The following GPC6 variants were observed in gnomAD, a reference collection of about 807,000 sequenced individuals.
GPC6 encodes glypican 6.
Under a neutral mutation model 55.2 loss-of-function variants are expected in GPC6, and 14 were observed. The ratio of observed to expected loss-of-function variants is 0.25; its 90% CI spans 0.17 to 0.40. The LOEUF (loss-of-function observed/expected upper bound fraction) is 0.40. GPC6 is among the 10% of genes least tolerant of loss of function. GPC6 has a pLI of 1.00. For synonymous variants in GPC6, 278 were observed against 259.6 expected (o/e 1.07, Z -0.68); for missense variants, 641 against 708.5 (o/e 0.90, Z 1.08).
chr13:94,347,783 A>C, intron 6 of GPC6, among the ~76,000 whole-genome samples: 1 of 152,242 alleles, frequency 6.6e-6, no homozygotes, highest in East Asian at 1.9e-4. Flanking sequence ...GCTACACAAA[A>C]AACTGCAGTG....
chr13:94,182,079 A>G (rs1889015160), intron 4 of GPC6, among the ~76,000 whole-genome samples: 2 of 152,222 alleles, frequency 1.3e-5, no homozygotes, highest in Admixed American at 6.5e-5. Flanking sequence ...CCTCTCCCAA[A>G]TGAGAATTGA....
chr13:93,942,946 T>C (rs778457415), intron 3 of GPC6, among the ~76,000 whole-genome samples: 8 of 152,238 alleles, frequency 5.3e-5, no homozygotes, highest in Non-Finnish European at 8.8e-5. Context: ...ATTCCATTTG[T>C]CCAAGGTGCA....
At chr13:93,932,610 A>C (rs1162850827) in intron 3 of GPC6, among the ~76,000 whole-genome samples, 1 of 152,180 alleles carries the variant, frequency 6.6e-6, no homozygotes, top group African/African-American at 2.4e-5. Context: ...TGTTGGGAAA[A>C]TAAATGAAAC....
chr13:93,480,525 C>A (rs1879476274), intron 1 of GPC6, among the ~76,000 whole-genome samples: 1 of 152,068 alleles, frequency 6.6e-6, no homozygotes, highest in Admixed American at 6.6e-5. Context: ...ATAAAGCTCA[C>A]CATCTTGAAT....
chr13:93,550,784 G>A (rs1875115724), intron 2 of GPC6, among the ~76,000 whole-genome samples: 1 of 152,060 alleles, frequency 6.6e-6, no homozygotes, highest in African/African-American at 2.4e-5. Flanking sequence ...TCACAAGGGT[G>A]ATATTTTTTG....
At chr13:94,124,060 A>G (rs1204102347) in intron 4 of GPC6, among the ~76,000 whole-genome samples, 1 of 152,118 alleles carries the variant, frequency 6.6e-6, no homozygotes, top group East Asian at 1.9e-4. Context: ...AAATCTTGTA[A>G]AAGCACAATT....
At chr13:94,016,621 T>C (rs1882475436) in intron 3 of GPC6, among the ~76,000 whole-genome samples, 2 of 152,218 alleles carry the variant, frequency 1.3e-5, no homozygotes, top group Admixed American at 1.3e-4. Flanking sequence ...GCTGTTAGAA[T>C]TTTGAAAGAG....
intron 4 of GPC6, among the ~76,000 whole-genome samples, chr13:94,204,848 T>C (rs1889854953): frequency 6.6e-6 from 1 of 152,218 alleles, no homozygotes; most frequent in South Asian, 2.1e-4. Flanking sequence ...ATGTGTATAT[T>C]CAATGAATCT....
intron 1 of GPC6, among the ~76,000 whole-genome samples, chr13:93,406,141 GC>G (rs1489059406): frequency 1.3e-5 from 2 of 152,162 alleles, no homozygotes. Context: ...AGTAGACTCT[GC>G]CTCTTGGTGG....
At chr13:93,749,019 AT>A (rs1566516230) in intron 2 of GPC6, among the ~76,000 whole-genome samples, 2 of 152,020 alleles carry the variant, frequency 1.3e-5, no homozygotes, top group Non-Finnish European at 2.9e-5. Flanking sequence ...TCTTATTGTT[AT>A]ATAGTACATG....
At chr13:94,308,924 TG>T (rs1358667649) in intron 6 of GPC6, among the ~76,000 whole-genome samples, 1 of 152,152 alleles carries the variant, frequency 6.6e-6, no homozygotes, top group Non-Finnish European at 1.5e-5. Flanking sequence ...ACTGGAAAGT[TG>T]GGGGAGTTAT....
intron 4 of GPC6, among the ~76,000 whole-genome samples, chr13:94,259,158 G>A (rs1412575798): frequency 6.6e-6 from 1 of 151,248 alleles, no homozygotes; most frequent in African/African-American, 2.4e-5. Context: ...CTCATTGGAA[G>A]CTTTCCCCAA....
intron 3 of GPC6, among the ~76,000 whole-genome samples, chr13:94,020,694 A>G (rs1882661578): frequency 6.6e-6 from 1 of 152,106 alleles, no homozygotes; most frequent in Non-Finnish European, 1.5e-5. Context: ...GGTTCCCTTT[A>G]CATTGCATTT....
At chr13:94,118,740 G>C (rs1158003018) in intron 4 of GPC6, among the ~76,000 whole-genome samples, 1 of 151,986 alleles carries the variant, frequency 6.6e-6, no homozygotes, top group African/African-American at 2.4e-5. Flanking sequence ...TTCCTGCCTT[G>C]ATTTCCTTCA....
At chr13:93,222,782 A>G (rs1875656972), upstream of GPC6, among the ~76,000 whole-genome samples, 3 of 152,222 alleles carry the variant, frequency 2.0e-5, no homozygotes, top group Admixed American at 2.0e-4. Context: ...ATAACCAACT[A>G]ACAATGGTGT....
chr13:93,478,448 A>G (rs987181297), intron 1 of GPC6, among the ~76,000 whole-genome samples: 21 of 152,184 alleles, frequency 1.4e-4, no homozygotes, highest in Admixed American at 9.2e-4. Flanking sequence ...GTAAATTGTC[A>G]CCCTGACATC....
At chr13:93,269,758 T>C in intron 1 of GPC6, among the ~76,000 whole-genome samples, 1 of 119,764 alleles carries the variant, frequency 8.3e-6, no homozygotes, top group East Asian at 2.5e-4. Context: ...ACCCCATCTC[T>C]ACTAAAAATA....
chr13:94,307,691 T>C (rs1876023412), intron 6 of GPC6, among the ~76,000 whole-genome samples: 1 of 152,234 alleles, frequency 6.6e-6, no homozygotes, highest in African/African-American at 2.4e-5. Context: ...ACCAATTAGA[T>C]TCCACCAAAT....
At chr13:94,034,852 C>T (rs1333462168) in intron 4 of GPC6, among the ~76,000 whole-genome samples, 1 of 151,294 alleles carries the variant, frequency 6.6e-6, no homozygotes, top group African/African-American at 2.4e-5. Flanking sequence ...TATTGTGCAA[C>T]TAAAATTCAT....
Sources: gnomAD v4.1 joint callset for allele counts (sites outside exome capture counted in the v4.1 genomes callset) on GRCh38, gnomAD v4.1.1 for gene constraint, MANE v1.5 for transcripts, NCBI Gene and HGNC (gene_info 2026-07-23, HGNC 2026-07-21) for gene names.